RGL3: variants seen among roughly 807,000 people sequenced by gnomAD.
The protein encoded by RGL3 is ral guanine nucleotide dissociation stimulator-like 3.
A neutral mutation model predicts 90.6 loss-of-function variants in RGL3; 85 were observed. The observed-to-expected ratio is 0.94, with a 90% CI of 0.79 to 1.12. The LOEUF (loss-of-function observed/expected upper bound fraction) is 1.12, where lower values mean the gene tolerates loss of function less well. Among genes scored for constraint, RGL3 ranks in the 50% most tolerant of loss-of-function variants. The pLI is 0.00. For synonymous variants in RGL3, 408 were observed against 385.5 expected (o/e 1.06, Z -0.68); for missense variants, 1,034 against 939.2 (o/e 1.10, Z -1.32).
chr19:11,396,668 T>A (rs1181226233), intron 18 of RGL3, among the ~76,000 whole-genome samples: 1 of 150,330 alleles, frequency 6.7e-6, no homozygotes, highest in Non-Finnish European at 1.5e-5. Flanking sequence ...CAGTCTTTTT[T>A]TTTTTTTTTT....
chr19:11,419,151 T>C, intron 1 of RGL3, 95 bp downstream of exon 1: 4 of 1,356,352 alleles, frequency 2.9e-6, no homozygotes, highest in Non-Finnish European at 4.1e-6. Flanking sequence ...CAAGTTCAGA[T>C]TGGGAGCAGA....
rs1404331742 is a variant in RGL3 at position 11,397,528 on chromosome 19, G to A, written c.1816C>T (p.Leu606Phe). Residue 606 changes from leucine to phenylalanine, a missense_variant, in exon 17 of 19, where the codon CTC (leucine) becomes TTC (phenylalanine). Physicochemically the swap from Leu to Phe is conservative, Grantham distance 22. Transcript: ENST00000380456. ...ALPLGSPRIP[L>F]PAQQSSEARV... Reference sequence around the variant, plus strand: ...GCCTCCGAGCTCTGCTGCGCCGGGAGGGGGATTCGAGGGCTGCCCAGAGGC... The same window carrying A: ...GCCTCCGAGCTCTGCTGCGCCGGGAAGGGGATTCGAGGGCTGCCCAGAGGC... 6.2e-7 allele frequency: 1 copy of A among 1,612,958 alleles called. No individual in the cohort carries two copies. Among genetic ancestry groups the A allele is most frequent in the South Asian group, 1.1e-5 (1 of 90,992 alleles).
At chr19:11,406,952 C>A in intron 5 of RGL3, 88 bp from the exon 6 acceptor site, 1 of 1,291,636 alleles carries the variant, frequency 7.7e-7, no homozygotes, top group Non-Finnish European at 1.1e-6. Flanking sequence ...CTCTCTGAGG[C>A]TCACTTTCCT....
Position 11,406,864 on chromosome 19 carries a change from C to G in RGL3, c.638G>C (p.Gly213Ala). The change falls in exon 6 of 19, where the codon GGA becomes GCA. Residue 213 changes from glycine to alanine, a missense_variant and splice_region_variant. Transcript: ENST00000380456. ...AGAAGTTTGGGCAACTCTGGGAGGT[C>G]CTGATCATTAGAAAGGGTTACAAAC... ...QEEEPPQVWT[G>A]PPRVAQTSDP... The G allele has an allele frequency of 6.2e-7, 1 of 1,605,086 alleles. No homozygotes were observed. The highest frequency in any genetic ancestry group is 8.5e-7 in the Non-Finnish European group (1 of 1,174,012).
chr19:11,414,181 C>CA (rs1968927218), intron 5 of RGL3, among the ~76,000 whole-genome samples: 1 of 28,194 alleles, frequency 3.5e-5, no homozygotes, highest in Non-Finnish European at 6.9e-5. Context: ...ATATATACAC[C>CA]TATATATATA....
chr19:11,394,816 G>A (rs1227276940), intron 18 of RGL3: 6 of 329,728 alleles, frequency 1.8e-5, no homozygotes, highest in East Asian at 7.1e-5. Context: ...CTGGCCGGGC[G>A]CGATGCCTCG....
At chr19:11,404,847 T>C (rs1055128560) in intron 9 of RGL3, among the ~76,000 whole-genome samples, 5 of 152,210 alleles carry the variant, frequency 3.3e-5, no homozygotes, top group Non-Finnish European at 7.3e-5. Flanking sequence ...GGTAAAGTCC[T>C]CAGAACATTT....
At chr19:11,410,768 G>A (rs867967387) in intron 5 of RGL3, among the ~76,000 whole-genome samples, 8 of 152,028 alleles carry the variant, frequency 5.3e-5, no homozygotes, top group Non-Finnish European at 7.4e-5. Flanking sequence ...AGCAATTATG[G>A]GGATAGAGAA....
chr19:11,409,614 G>A (rs1968840764), intron 5 of RGL3, among the ~76,000 whole-genome samples: 1 of 152,206 alleles, frequency 6.6e-6, no homozygotes, highest in African/African-American at 2.4e-5. Context: ...AAGAATGCAA[G>A]GACCACGAAA....
intron 1 of RGL3, 132 bp downstream of exon 1, chr19:11,419,114 G>A (rs1969059445): frequency 3.1e-6 from 3 of 952,782 alleles, no homozygotes; most frequent in Admixed American, 2.5e-5. Flanking sequence ...GTCAAGGGCC[G>A]CGAGTCCCCA....
intron 18 of RGL3, 78 bp downstream of exon 18, chr19:11,397,166 G>A: frequency 1.6e-6 from 2 of 1,226,790 alleles, no homozygotes; most frequent in Non-Finnish European, 2.4e-6. Context: ...GGTAACCTTG[G>A]GCTCCATCCT....
At chr19:11,410,712 C>T (rs1279839701) in intron 5 of RGL3, among the ~76,000 whole-genome samples, 1 of 151,416 alleles carries the variant, frequency 6.6e-6, no homozygotes, top group African/African-American at 2.4e-5. Context: ...AAAGTGGGCC[C>T]TGGAAAAAAA....
chr19:11,417,399 C>T (rs1185982154), intron 2 of RGL3, among the ~76,000 whole-genome samples: 2 of 151,544 alleles, frequency 1.3e-5, no homozygotes, highest in African/African-American at 4.9e-5. Context: ...ATCTGCCCCC[C>T]TTGGCCTCCC....
chr19:11,396,158 A>ATATT (rs1568334140), intron 18 of RGL3, among the ~76,000 whole-genome samples: 8 of 25,624 alleles, frequency 3.1e-4, no homozygotes, highest in South Asian at 2.0e-3. Flanking sequence ...ATATATATAT[A>ATATT]TTTTTTTTTT....
chr19:11,401,891 G>T, intron 13 of RGL3, 120 bp downstream of exon 13: 1 of 1,290,924 alleles, frequency 7.7e-7, no homozygotes, highest in Non-Finnish European at 1.0e-6. Context: ...GTTGTAGTGG[G>T]GGATCAGGGC....
In RGL3 at chr19:11,401,995, G is replaced by T. The variant is rs895882738; in HGVS notation, c.1484+16C>A. The T allele has an allele frequency of 9.2e-6, 14 of 1,529,392 alleles. No homozygotes were observed. Among genetic ancestry groups the T allele is most frequent in the Non-Finnish European group, 1.2e-5 (14 of 1,140,938 alleles). 94.7% of individuals were successfully genotyped at this position (1,529,392 alleles called of 1,614,324 possible). ...CTCAGCTGGGGTGGGGCTGGGACAG[G>T]CTACAGGGTGGTCACCTCTGCTCCT... On this transcript the variant is annotated intron_variant, in intron 13 of 18. Coordinates refer to ENST00000380456, the MANE Select transcript of RGL3 (RefSeq NM_001035223.4).
intron 5 of RGL3, among the ~76,000 whole-genome samples, chr19:11,410,520 T>A (rs539892729): frequency 2.0e-5 from 3 of 151,792 alleles, no homozygotes; most frequent in African/African-American, 7.2e-5. Flanking sequence ...CATGTCTACA[T>A]AAAAAAATTT....
intron 2 of RGL3, among the ~76,000 whole-genome samples, chr19:11,418,218 C>T (rs796431898): frequency 9.0e-5 from 12 of 133,922 alleles, no homozygotes; most frequent in Non-Finnish European, 1.4e-4. Context: ...TCTCCCGTCC[C>T]CTCCCCCTCC....
intron 5 of RGL3, chr19:11,411,335 G>T (rs943407876): frequency 1.3e-5 from 2 of 151,214 alleles, no homozygotes; most frequent in Admixed American, 1.3e-4. Flanking sequence ...GCAGGGGCAT[G>T]CTCACAGCTC....
Sources: allele counts gnomAD v4.1 joint callset (sites outside exome capture counted in the v4.1 genomes callset), GRCh38; gene constraint gnomAD v4.1.1; transcripts MANE v1.5; gene names NCBI Gene and HGNC (gene_info 2026-07-23, HGNC 2026-07-21).